The following KCNQ5 variants were observed in gnomAD, a reference collection of about 807,000 sequenced individuals.
KCNQ5 encodes potassium voltage-gated channel subfamily KQT member 5.
KCNQ5 carries 30 observed loss-of-function variants against 98.2 expected under a neutral mutation model. The observed-to-expected ratio is 0.31, with a 90% CI of 0.23 to 0.41. The LOEUF (loss-of-function observed/expected upper bound fraction) is 0.41, where lower values mean the gene tolerates loss of function less well. Among genes scored for constraint, KCNQ5 ranks in the 10% least tolerant of loss-of-function variants. The probability of loss-of-function intolerance (pLI) is 1.00; values close to 1 mark genes in which losing one functional copy is unlikely to be tolerated. For synonymous variants in KCNQ5, 458 were observed against 449.4 expected (o/e 1.02, Z -0.24); for missense variants, 835 against 1,182.5 (o/e 0.71, Z 4.31).
intron 1 of KCNQ5, among the ~76,000 whole-genome samples, chr6:72,757,065 C>G (rs147129921): frequency 2.0e-5 from 3 of 151,830 alleles, no homozygotes; most frequent in Non-Finnish European, 4.4e-5. Context: ...TTGATGCCCA[C>G]GAAATAATTT....
intron 1 of KCNQ5, among the ~76,000 whole-genome samples, chr6:72,943,057 A>T (rs1674878399): frequency 1.3e-5 from 2 of 152,230 alleles, no homozygotes; most frequent in African/African-American, 2.4e-5. Context: ...GCAATTCAAC[A>T]TTAAAACAAA....
intron 10 of KCNQ5, among the ~76,000 whole-genome samples, chr6:73,140,995 A>G (rs1220402058): frequency 1.3e-5 from 2 of 152,226 alleles, no homozygotes; most frequent in African/African-American, 4.8e-5. Context: ...CTCTGGTTTC[A>G]GACCCCAAGT....
chr6:72,729,498 G>A (rs568902574), intron 1 of KCNQ5, among the ~76,000 whole-genome samples: 6 of 152,172 alleles, frequency 3.9e-5, no homozygotes, highest in African/African-American at 1.2e-4. Flanking sequence ...ATGTTGGCCA[G>A]GCTGGTCAAA....
At chr6:72,876,422 C>T (rs1193154781) in intron 1 of KCNQ5, among the ~76,000 whole-genome samples, 3 of 152,104 alleles carry the variant, frequency 2.0e-5, no homozygotes, top group African/African-American at 4.8e-5. Flanking sequence ...CTCTCAAATA[C>T]TCATAAAAAC....
chr6:72,687,291 G>A (rs1276915357), intron 1 of KCNQ5, among the ~76,000 whole-genome samples: 1 of 152,160 alleles, frequency 6.6e-6, no homozygotes, highest in African/African-American at 2.4e-5. Flanking sequence ...AGGATGTTAT[G>A]TCTATTGTAT....
rs949622590 is a variant in KCNQ5 at position 72,646,431 on chromosome 6, C to T, written c.398+23844C>T. Among the ~76,000 whole-genome samples the T allele has an allele frequency of 9.9e-5, 15 of 152,070 alleles. No homozygotes were observed. The East Asian group carries it at 2.1e-3, about 22-fold the overall frequency. ...TAAAATTTCTTATATGTTTATTTTC[C>T]TTACCAAATATGACAGTTATCCACA... is the stretch of plus-strand genomic sequence containing the variant. On this transcript the variant is annotated intron_variant, in intron 1 of 13. Transcript: ENST00000370398.
intron 1 of KCNQ5, among the ~76,000 whole-genome samples, chr6:72,634,455 C>T (rs950047278): frequency 6.6e-6 from 1 of 152,040 alleles, no homozygotes; most frequent in African/African-American, 2.4e-5. Context: ...TTATCTAATT[C>T]TTTGCAAATA....
In KCNQ5 at chr6:73,120,588, G is replaced by A; in HGVS notation, c.1220+11G>A. ...CTGCAGCCCTACCAAGTAGGTATCA[G>A]TGTGACAGCTGCCACTGTAGTTGAG... On this transcript the variant is annotated intron_variant, in intron 8 of 13. Coordinates refer to ENST00000370398, the MANE Select transcript of KCNQ5 (RefSeq NM_019842.4). 6.4e-7 allele frequency: 1 copy of A among 1,573,914 alleles called. No individual in the cohort carries two copies. The highest frequency in any genetic ancestry group is 8.7e-7 in the Non-Finnish European group (1 of 1,146,626).
At chr6:72,859,620 G>GTCA (rs1777681248) in intron 1 of KCNQ5, among the ~76,000 whole-genome samples, 3 of 139,126 alleles carry the variant, frequency 2.2e-5, no homozygotes, top group Admixed American at 7.5e-5. Context: ...TCTGTCTGTC[G>GTCA]CCCAGGCTGA....
chr6:72,673,191 G>T (rs1033388399), intron 1 of KCNQ5, among the ~76,000 whole-genome samples: 1 of 152,098 alleles, frequency 6.6e-6, no homozygotes, highest in African/African-American at 2.4e-5. Flanking sequence ...TAGACTCAGG[G>T]CTCCCACCCC....
intron 1 of KCNQ5, among the ~76,000 whole-genome samples, chr6:72,829,630 G>T (rs951701335): frequency 1.3e-5 from 2 of 152,176 alleles, no homozygotes; most frequent in African/African-American, 4.8e-5. Context: ...AAATGCTACA[G>T]CATTAATTTG....
intron 1 of KCNQ5, among the ~76,000 whole-genome samples, chr6:72,760,757 G>T (rs1042094392): frequency 1.3e-5 from 2 of 151,988 alleles, no homozygotes; most frequent in African/African-American, 2.4e-5. Flanking sequence ...CAAAACTGAT[G>T]AATCAAATCT....
intron 1 of KCNQ5, among the ~76,000 whole-genome samples, chr6:72,964,249 G>C (rs1178025409): frequency 6.6e-6 from 1 of 151,988 alleles, no homozygotes; most frequent in Admixed American, 6.6e-5. Flanking sequence ...TAAAAATGAT[G>C]GCATCATTTA....
At chr6:73,012,656 A>T (rs1343481658) in intron 2 of KCNQ5, among the ~76,000 whole-genome samples, 3 of 152,034 alleles carry the variant, frequency 2.0e-5, no homozygotes, top group Non-Finnish European at 4.4e-5. Context: ...CAATAAAAAA[A>T]TTGAGAAAAA....
At chr6:73,011,985 T>C (rs912101452) in intron 2 of KCNQ5, among the ~76,000 whole-genome samples, 1 of 152,084 alleles carries the variant, frequency 6.6e-6, no homozygotes, top group African/African-American at 2.4e-5. Context: ...TTGGTGAGGA[T>C]GTGGGAAAAT....
At chr6:72,714,580 G>T (rs1156245361) in intron 1 of KCNQ5, among the ~76,000 whole-genome samples, 2 of 152,118 alleles carry the variant, frequency 1.3e-5, no homozygotes, top group Non-Finnish European at 2.9e-5. Flanking sequence ...ATATTGTGTG[G>T]GTTACAAAAG....
At chr6:72,854,220 A>C (rs1002508704) in intron 1 of KCNQ5, among the ~76,000 whole-genome samples, 8 of 152,224 alleles carry the variant, frequency 5.3e-5, no homozygotes, top group Non-Finnish European at 1.0e-4. Context: ...GCTTAGTAGA[A>C]AAGTAGTAAC....
chr6:72,871,555 T>C (rs1778207193), intron 1 of KCNQ5, among the ~76,000 whole-genome samples: 1 of 152,202 alleles, frequency 6.6e-6, no homozygotes, highest in Admixed American at 6.5e-5. Context: ...TTACTTTGAG[T>C]ATAATAACTC....
chr6:72,721,663 A>G (rs115627896), intron 1 of KCNQ5, among the ~76,000 whole-genome samples: 1,765 of 152,336 alleles, frequency 0.012, 29 homozygotes, highest in African/African-American at 0.039. Context: ...GTTATAACAA[A>G]CACAAAATGT....
Sources: allele counts gnomAD v4.1 joint callset (sites outside exome capture counted in the v4.1 genomes callset), GRCh38; gene constraint gnomAD v4.1.1; transcripts MANE v1.5; gene names NCBI Gene and HGNC (gene_info 2026-07-23, HGNC 2026-07-21).